Variants in SBF2 observed in about 807,000 individuals in gnomAD.
SBF2 encodes SET binding factor 2.
Under a neutral mutation model 225.2 loss-of-function variants are expected in SBF2, and 112 were observed. The observed-to-expected ratio is 0.50, with a 90% CI of 0.43 to 0.58. The LOEUF is 0.58. Among genes scored for constraint, SBF2 ranks in the 20% least tolerant of loss-of-function variants. SBF2 has a pLI of 0.00. For synonymous variants in SBF2, 763 were observed against 773.3 expected (o/e 0.99, Z 0.22); for missense variants, 1,996 against 2,206.2 (o/e 0.90, Z 1.91).
rs553453476 is a variant in SBF2, at chr11:10,227,246, A to G, written c.56-33259T>C. On this transcript the variant is annotated intron_variant, in intron 1 of 39. Coordinates refer to ENST00000256190, the MANE Select transcript of SBF2 (RefSeq NM_030962.4). ...GACCTTTGTCAGATGAGTAGGTTGC[A>G]AAAATTTTCTCCCATTCTGTAGGTT... Among the ~76,000 whole-genome samples, 864 of 152,240 alleles carry G rather than the reference A, an allele frequency of 5.7e-3. 13 individuals carry two copies. The highest frequency in any genetic ancestry group is 0.05 in the South Asian group (242 of 4,810).
At chr11:10,286,892 TCTC>T (rs1295923222) in intron 1 of SBF2, among the ~76,000 whole-genome samples, 1 of 152,246 alleles carries the variant, frequency 6.6e-6, no homozygotes, top group Non-Finnish European at 1.5e-5. Context: ...TAGCAATTCT[TCTC>T]CTACGTATTT....
intron 2 of SBF2, among the ~76,000 whole-genome samples, chr11:10,070,964 C>T (rs1448049218): frequency 1.3e-5 from 2 of 152,076 alleles, no homozygotes; most frequent in Non-Finnish European, 2.9e-5. Context: ...CTCTGTTTGT[C>T]TGTTATTGGT....
At chr11:9,812,758 A>C (rs371167197) in intron 29 of SBF2, 50 bp from the exon 30 acceptor site, 33 of 1,590,540 alleles carry the variant, frequency 2.1e-5, no homozygotes, top group African/African-American at 1.6e-4. Flanking sequence ...TATAGGTAAA[A>C]GAGTGATGTT....
At chr11:9,803,608 G>A (rs1299754666) in intron 32 of SBF2, among the ~76,000 whole-genome samples, 1 of 152,190 alleles carries the variant, frequency 6.6e-6, no homozygotes, top group Non-Finnish European at 1.5e-5. Flanking sequence ...CTTACTGATT[G>A]TGAGTGGATT....
chr11:10,142,177 C>A (rs61878658), intron 2 of SBF2, among the ~76,000 whole-genome samples: 16,232 of 152,124 alleles, frequency 0.11, 1,027 homozygotes, highest in Non-Finnish European at 0.12. Flanking sequence ...AGTATAGATA[C>A]GGATAACCAG....
intron 2 of SBF2, among the ~76,000 whole-genome samples, chr11:10,181,819 TAC>T (rs1956746790): frequency 6.6e-6 from 1 of 152,198 alleles, no homozygotes; most frequent in African/African-American, 2.4e-5. Context: ...TAAAAGTAGA[TAC>T]AGCCATATCA....
At chr11:9,914,691 G>A (rs1862924468) in intron 16 of SBF2, among the ~76,000 whole-genome samples, 1 of 151,962 alleles carries the variant, frequency 6.6e-6, no homozygotes. Flanking sequence ...GATAAGTGAG[G>A]CTTCACAAAA....
At chr11:10,265,496 G>C (rs1404460188) in intron 1 of SBF2, among the ~76,000 whole-genome samples, 1 of 71,858 alleles carries the variant, frequency 1.4e-5, no homozygotes, top group South Asian at 6.2e-4. Context: ...CAGAAATCGG[G>C]GGGGGGGAGA....
intron 6 of SBF2, among the ~76,000 whole-genome samples, chr11:10,025,162 T>C (rs898516273): frequency 4.6e-5 from 7 of 152,258 alleles, no homozygotes; most frequent in Middle Eastern, 3.4e-3. Flanking sequence ...CATAGACAAA[T>C]TGGAGGTCTA....
At chr11:10,153,890 A>T (rs1351120211) in intron 2 of SBF2, among the ~76,000 whole-genome samples, 1 of 152,116 alleles carries the variant, frequency 6.6e-6, no homozygotes. Context: ...ATGCTTATTC[A>T]GTTATTCTGC....
At chr11:10,100,179 G>A (rs959344585) in intron 2 of SBF2, among the ~76,000 whole-genome samples, 3 of 152,192 alleles carry the variant, frequency 2.0e-5, no homozygotes, top group Admixed American at 2.0e-4. Flanking sequence ...GGAAACCAAG[G>A]AGACAGATTT....
chr11:10,192,468 A>G (rs905304444), intron 2 of SBF2, among the ~76,000 whole-genome samples: 2 of 152,216 alleles, frequency 1.3e-5, no homozygotes, highest in African/African-American at 4.8e-5. Context: ...TTTCTGATCC[A>G]TGCCAACAAG....
intron 26 of SBF2, among the ~76,000 whole-genome samples, chr11:9,834,462 C>A (rs543703261): frequency 6.6e-6 from 1 of 152,300 alleles, no homozygotes; most frequent in East Asian, 1.9e-4. Flanking sequence ...ACTTCTTATC[C>A]CTTATCTTGA....
rs1262382404 is a variant in SBF2, at chr11:9,856,633, A to G, written c.2188T>C (p.Ser730Pro). ...QLRLWPTLSK[S>P]TQQELVQHEE... ...TGTTGCACTAGCTCTTGCTGAGTTG[A>G]CTTGCTCAGGGTAGGCCAAAGGCGT... Residue 730 changes from serine to proline, a missense_variant, in exon 19 of 40, where the codon TCA (serine) becomes CCA (proline). Coordinates refer to ENST00000256190, the MANE Select transcript of SBF2 (RefSeq NM_030962.4). 6.2e-7 allele frequency: 1 copy of G among 1,614,034 alleles called. No homozygotes were observed. Among genetic ancestry groups the G allele is most frequent in the Non-Finnish European group, 8.5e-7 (1 of 1,180,032 alleles).
intron 1 of SBF2, among the ~76,000 whole-genome samples, chr11:10,213,111 C>G (rs1237942525): frequency 1.3e-5 from 2 of 152,032 alleles, no homozygotes; most frequent in Non-Finnish European, 2.9e-5. Flanking sequence ...ATTCAGAAAG[C>G]TCATTTTGTA....
chr11:10,258,989 G>A (rs747451294), intron 1 of SBF2, among the ~76,000 whole-genome samples: 1 of 152,156 alleles, frequency 6.6e-6, no homozygotes, highest in Non-Finnish European at 1.5e-5. Flanking sequence ...GTAAGAGATG[G>A]ACTCTGTTCA....
intron 2 of SBF2, among the ~76,000 whole-genome samples, chr11:10,183,597 TTA>T (rs1314185070): frequency 6.6e-6 from 1 of 152,146 alleles, no homozygotes; most frequent in East Asian, 1.9e-4. Context: ...TGTGTATGGT[TTA>T]AGGGTCAAGG....
chr11:10,199,203 A>G (rs1957488887), intron 1 of SBF2, among the ~76,000 whole-genome samples: 1 of 152,162 alleles, frequency 6.6e-6, no homozygotes, highest in African/African-American at 2.4e-5. Context: ...GCCTCAAGGA[A>G]TAGAGAGGCC....
At chr11:10,212,744 T>C (rs1957981461) in intron 1 of SBF2, among the ~76,000 whole-genome samples, 1 of 152,180 alleles carries the variant, frequency 6.6e-6, no homozygotes, top group African/African-American at 2.4e-5. Context: ...CTATCTTGAG[T>C]CTGATGGTTA....
Sources: gnomAD v4.1 joint callset for allele counts (sites outside exome capture counted in the v4.1 genomes callset) on GRCh38, gnomAD v4.1.1 for gene constraint, MANE v1.5 for transcripts, NCBI Gene and HGNC (gene_info 2026-07-23, HGNC 2026-07-21) for gene names.